CAB39L: variants seen among roughly 807,000 people sequenced by gnomAD.
CAB39L encodes calcium-binding protein 39-like.
CAB39L carries 23 observed loss-of-function variants against 39.1 expected under a neutral mutation model. The observed-to-expected ratio is 0.59, with a 90% CI of 0.42 to 0.83. CAB39L has a LOEUF of 0.83. Ranked by LOEUF, CAB39L falls within the 40% of genes least tolerant of loss-of-function variation. The pLI, the probability that CAB39L is intolerant of heterozygous loss-of-function variation, is 0.00. For missense variants in CAB39L, 366 were observed against 391.9 expected, an observed-to-expected ratio of 0.93 and a Z score of 0.56; for synonymous variants, 126 against 137.2, an observed-to-expected ratio of 0.92 and a Z score of 0.57.
Position 49,433,041 on chromosome 13 carries a change from A to G in CAB39L, c.-32+277T>C, listed in dbSNP as rs1413455608. 2.0e-5 allele frequency among the ~76,000 whole-genome samples: 3 copies of G among 152,304 alleles called. No homozygotes were observed. The East Asian group carries it at 5.8e-4, about 29-fold the overall frequency. On this transcript the variant is annotated intron_variant, in intron 3 of 10. Coordinates refer to ENST00000409308, the MANE Select transcript of CAB39L (RefSeq NM_001079670.3). ...ATACTTGTTTTGTTTCTAGCCCCAG[A>G]AAGTTTCCCTTATTTTCTTAATGGG...
intron 3 of CAB39L, among the ~76,000 whole-genome samples, chr13:49,430,353 C>T (rs558857175): frequency 1.3e-5 from 2 of 152,120 alleles, no homozygotes; most frequent in Admixed American, 6.6e-5. Context: ...GTAAGGCATA[C>T]GTAAACATTA....
At chr13:49,362,780 G>A (rs532464173) in intron 5 of CAB39L, among the ~76,000 whole-genome samples, 2 of 151,960 alleles carry the variant, frequency 1.3e-5, no homozygotes, top group African/African-American at 4.8e-5. Flanking sequence ...TTAAACCAAA[G>A]AAGACTACTT....
At chr13:49,418,114 C>G (rs1475598840) in intron 3 of CAB39L, among the ~76,000 whole-genome samples, 1 of 151,972 alleles carries the variant, frequency 6.6e-6, no homozygotes, top group Non-Finnish European at 1.5e-5. Flanking sequence ...TTCAAAGCAG[C>G]ATTATCCATA....
intron 3 of CAB39L, among the ~76,000 whole-genome samples, chr13:49,385,559 G>T (rs372257993): frequency 6.6e-6 from 1 of 152,156 alleles, no homozygotes; most frequent in East Asian, 1.9e-4. Flanking sequence ...CCTCCGCTCT[G>T]GATATGCCTT....
intron 3 of CAB39L, chr13:49,414,123 T>C (rs1957041449): frequency 6.6e-6 from 1 of 152,240 alleles, no homozygotes. Context: ...GCATTTTCTA[T>C]ACAATTCTTA....
In CAB39L at chr13:49,331,619, GC is replaced by G. The variant is rs75501544; in HGVS notation, c.834+327del. 2.7e-3 allele frequency among the ~76,000 whole-genome samples: 407 copies of G among 152,316 alleles called. 8 individuals are homozygous for G. The East Asian group carries it at 0.046, about 17-fold the overall frequency. Reference sequence around the variant, plus strand: ...GTCATTTAAAGTTCGAAGAGACAGTGCTTGTAGGAAGCAAAGCATTCAAGGC... The same window carrying G: ...GTCATTTAAAGTTCGAAGAGACAGTGTTGTAGGAAGCAAAGCATTCAAGGC... On this transcript the variant is annotated intron_variant, in intron 10 of 10. Coordinates refer to ENST00000409308, the MANE Select transcript of CAB39L (RefSeq NM_001079670.3).
intron 3 of CAB39L, among the ~76,000 whole-genome samples, chr13:49,398,162 A>G (rs1956681340): frequency 1.3e-5 from 2 of 152,078 alleles, no homozygotes; most frequent in South Asian, 4.1e-4. Flanking sequence ...GTAATTTGAT[A>G]TAATCTTTCA....
Position 49,376,949 on chromosome 13 carries a change from C to A in CAB39L, c.276+18G>T. The A allele has an allele frequency of 2.6e-6, 4 of 1,549,556 alleles. No homozygotes were observed. The highest frequency in any genetic ancestry group is 3.5e-6 in the Non-Finnish European group (4 of 1,145,402). On this transcript the variant is annotated intron_variant, in intron 5 of 10. Coordinates refer to ENST00000409308, the MANE Select transcript of CAB39L (RefSeq NM_001079670.3). ...AAAATTGAAAAGCACCACTGACATC[C>A]TTTTACAGCTGGCTTACCTCAAAGT...
At chr13:49,441,705 G>A (rs1217740106) in intron 1 of CAB39L, among the ~76,000 whole-genome samples, 1 of 152,180 alleles carries the variant, frequency 6.6e-6, no homozygotes, top group Non-Finnish European at 1.5e-5. Flanking sequence ...TTGCAGAGCA[G>A]CCAATATAGG....
At chr13:49,359,645 G>T in intron 6 of CAB39L, 69 bp downstream of exon 6, 1 of 790,574 alleles carries the variant, frequency 1.3e-6, no homozygotes, top group Non-Finnish European at 2.1e-6. Context: ...TCTCAAATGA[G>T]ACTAATGCTA....
At chr13:49,423,374 C>A (rs1257376382) in intron 3 of CAB39L, among the ~76,000 whole-genome samples, 1 of 152,104 alleles carries the variant, frequency 6.6e-6, no homozygotes, top group Non-Finnish European at 1.5e-5. Context: ...TACTGGAAGC[C>A]TAACTCTAGT....
At chr13:49,413,135 A>C (rs1231330279) in intron 3 of CAB39L, 2 of 151,180 alleles carry the variant, frequency 1.3e-5, no homozygotes, top group African/African-American at 2.4e-5. Context: ...CAAAACAAAA[A>C]ACCTTAGCTA....
intron 3 of CAB39L, among the ~76,000 whole-genome samples, chr13:49,417,549 G>A (rs1957104696): frequency 6.6e-6 from 1 of 152,076 alleles, no homozygotes; most frequent in African/African-American, 2.4e-5. Flanking sequence ...ATATGTTAAC[G>A]ATATTAAAAA....
intron 3 of CAB39L, chr13:49,420,462 C>T (rs1957154028): frequency 6.6e-6 from 1 of 152,156 alleles, no homozygotes; most frequent in African/African-American, 2.4e-5. Context: ...CCACTTCTTC[C>T]CTAACAAAAC....
intron 10 of CAB39L, among the ~76,000 whole-genome samples, chr13:49,314,454 GC>G (rs1434066038): frequency 1.3e-5 from 2 of 152,030 alleles, no homozygotes; most frequent in Non-Finnish European, 2.9e-5. Flanking sequence ...CCTCGTCACT[GC>G]CCCATCACCC....
intron 3 of CAB39L, among the ~76,000 whole-genome samples, chr13:49,391,188 A>C (rs1461620155): frequency 1.3e-5 from 2 of 152,196 alleles, no homozygotes; most frequent in East Asian, 3.8e-4. Context: ...CAAATGACAG[A>C]AGGCAGTGAA....
chr13:49,348,393 C>A (rs1483853367), intron 7 of CAB39L, among the ~76,000 whole-genome samples: 5 of 152,122 alleles, frequency 3.3e-5, no homozygotes, highest in African/African-American at 1.2e-4. Flanking sequence ...CATGGCAAAA[C>A]CCCCTCTCTA....
rs1956897894 is a variant in CAB39L at position 49,407,137 on chromosome 13, G to C, written c.-31-24196C>G. 2.6e-5 allele frequency among the ~76,000 whole-genome samples: 2 copies of C among 75,880 alleles called. 1 individual carries two copies. Among genetic ancestry groups the C allele is most frequent in the Admixed American group, 2.1e-4 (2 of 9,330 alleles). 49.8% of individuals were successfully genotyped at this position (75,880 alleles called of 152,430 possible). Reference sequence around the variant, plus strand: ...TCAACTATTAAGAAAATCACAGGAAGAAAAAATTAAATGATGTATATAGAT... The same window carrying C: ...TCAACTATTAAGAAAATCACAGGAACAAAAAATTAAATGATGTATATAGAT... On this transcript the variant is annotated intron_variant, in intron 3 of 10. Coordinates refer to ENST00000409308, the MANE Select transcript of CAB39L (RefSeq NM_001079670.3).
intron 5 of CAB39L, among the ~76,000 whole-genome samples, chr13:49,376,280 T>C (rs910520823): frequency 6.6e-6 from 1 of 152,240 alleles, no homozygotes; most frequent in Non-Finnish European, 1.5e-5. Context: ...CCAGGACTTC[T>C]GTCGCCTCAA....
Sources: allele counts gnomAD v4.1 joint callset (sites outside exome capture counted in the v4.1 genomes callset), GRCh38; gene constraint gnomAD v4.1.1; transcripts MANE v1.5; gene names NCBI Gene and HGNC (gene_info 2026-07-23, HGNC 2026-07-21).